The following CCDC158 variants were observed in gnomAD, a reference collection of about 807,000 sequenced individuals.
The protein encoded by CCDC158 is coiled-coil domain-containing protein 158.
Under a neutral mutation model 138.6 loss-of-function variants are expected in CCDC158, and 116 were observed. That is an observed-to-expected ratio of 0.84 (90% CI 0.72 to 0.98). The LOEUF (loss-of-function observed/expected upper bound fraction) is 0.98, where lower values mean the gene tolerates loss of function less well. Among genes scored for constraint, CCDC158 ranks in the 50% least tolerant of loss-of-function variants. The pLI is 0.00. For synonymous variants in CCDC158, 436 were observed against 442.4 expected (o/e 0.99, Z 0.18); for missense variants, 1,265 against 1,306.1 (o/e 0.97, Z 0.48).
chr4:76,396,289 A>C lies in CCDC158; in HGVS notation c.268T>G (p.Leu90Val), dbSNP rs367819204. Residue 90 changes from leucine to valine, a missense_variant, in exon 4 of 25, where the codon TTA becomes GTA. Physicochemically the swap from Leu to Val is conservative, Grantham distance 32 (BLOSUM62 1). Coordinates refer to ENST00000682701, the MANE Select transcript of CCDC158 (RefSeq NM_001394954.1). ...CTCACTTCATTTAGTCTTCTCTGTA[A>C]ATCTTTGACTTGATGTGAATATTCT... ...LEEYSHQVKD[L>V]QRRLNESNEL... 6.2e-7 allele frequency: 1 copy of C among 1,612,830 alleles called. No individual in the cohort carries two copies. Among genetic ancestry groups the C allele is most frequent in the African/African-American group, 1.3e-5 (1 of 74,868 alleles).
intron 14 of CCDC158, among the ~76,000 whole-genome samples, chr4:76,355,741 C>T (rs1024911309): frequency 2.0e-5 from 3 of 151,276 alleles, no homozygotes; most frequent in African/African-American, 7.3e-5. Context: ...ATAACAATAA[C>T]ATTGACTAAA....
At chr4:76,335,436 G>A (rs1721390689) in intron 18 of CCDC158, among the ~76,000 whole-genome samples, 1 of 152,044 alleles carries the variant, frequency 6.6e-6, no homozygotes, top group Non-Finnish European at 1.5e-5. Flanking sequence ...GGCAATTATT[G>A]TTAAAATTTT....
At position 76,367,770 on chromosome 4, in the gene CCDC158, C is replaced by T. The variant is rs752904443; in HGVS notation, c.1354G>A (p.Ala452Thr). 2.5e-6 allele frequency: 4 copies of T among 1,597,412 alleles called. No individual in the cohort carries two copies. The highest frequency in any genetic ancestry group is 2.7e-5 in the African/African-American group (2 of 74,422). The change falls in exon 12 of 25, where the codon GCA (alanine) becomes ACA (threonine). Residue 452 changes from alanine (A) to threonine (T), a missense_variant. By Grantham distance (58) the Ala-to-Thr change is moderately conservative. Coordinates refer to ENST00000682701, the MANE Select transcript of CCDC158 (RefSeq NM_001394954.1). Reference sequence around the variant, plus strand: ...AGACTTTCATTCTTTCCTTGAATTGCTGCCATCTGATTGTTAAAGAAAAGA... The same window carrying T: ...AGACTTTCATTCTTTCCTTGAATTGTTGCCATCTGATTGTTAAAGAAAAGA... ...CQGQMERQMA[A>T]IQGKNESLEK...
intron 24 of CCDC158, among the ~76,000 whole-genome samples, 200 bp downstream of exon 24, chr4:76,323,102 T>C (rs1007575756): frequency 3.3e-5 from 5 of 152,176 alleles, no homozygotes; most frequent in African/African-American, 1.2e-4. Flanking sequence ...TAAGAGAGTA[T>C]AGCAGGGCAA....
At chr4:76,338,245 C>T (rs1721722218) in intron 18 of CCDC158, among the ~76,000 whole-genome samples, 2 of 152,184 alleles carry the variant, frequency 1.3e-5, no homozygotes, top group South Asian at 4.1e-4. Flanking sequence ...GGTGCAGTGG[C>T]TCACGCCTGT....
chr4:76,414,811 A>G (rs1283494077), intron 1 of CCDC158, among the ~76,000 whole-genome samples: 1 of 152,226 alleles, frequency 6.6e-6, no homozygotes, highest in Non-Finnish European at 1.5e-5. Flanking sequence ...GCCGTGTGGA[A>G]CTGTAAGTCC....
At chr4:76,314,434 A>T (rs897503343) in intron 24 of CCDC158, among the ~76,000 whole-genome samples, 2 of 152,352 alleles carry the variant, frequency 1.3e-5, no homozygotes, top group Admixed American at 1.3e-4. Context: ...GGAGACTCAC[A>T]CTGTTGACTT....
At chr4:76,412,759 G>GA (rs1210488146) in intron 1 of CCDC158, among the ~76,000 whole-genome samples, 1 of 151,622 alleles carries the variant, frequency 6.6e-6, no homozygotes, top group Non-Finnish European at 1.5e-5. Flanking sequence ...TCAAAGAAAA[G>GA]AAAAAAATAG....
In CCDC158 at chr4:76,328,821, G is replaced by A. The variant is rs917654962; in HGVS notation, c.3010+79C>T. 2.4e-5 allele frequency: 26 copies of A among 1,087,506 alleles called. No homozygotes were observed. In the African/African-American group the frequency reaches 2.8e-4, roughly 12 times the overall value. 67.4% of individuals were successfully genotyped at this position (1,087,506 alleles called of 1,614,324 possible). A position where few individuals can be genotyped will look rare whatever the true frequency, so the allele number is the denominator to read the frequency against. On this transcript the variant is annotated intron_variant, in intron 22 of 24. Transcript: ENST00000682701. ...AGTTAAAAAGGACTTGGAAGATACT[G>A]CAATGACTTTGGCTTTTACCCTCGT...
rs182436054 is a variant in CCDC158, at chr4:76,384,664, C to T, written c.290G>A (p.Ser97Asn). 5.6e-6 allele frequency: 9 copies of T among 1,602,616 alleles called. No homozygotes were observed. Among genetic ancestry groups the T allele is most frequent in the East Asian group, 2.2e-5 (1 of 44,772 alleles). The change falls in exon 5 of 25, where the codon AGC becomes AAC. Residue 97 changes from serine to asparagine, a missense_variant and splice_region_variant. By Grantham distance (46) the Ser-to-Asn change is conservative (BLOSUM62 1). Coordinates refer to ENST00000682701, the MANE Select transcript of CCDC158 (RefSeq NM_001394954.1). ...CTTTTGTTTCTCATGCAATTCATTGCTCTGAAAAAAAAAGCCATGCAAATT... is the reference window on the plus strand; with the variant it reads ...CTTTTGTTTCTCATGCAATTCATTGTTCTGAAAAAAAAAGCCATGCAAATT... The part of the protein sequence containing the change: ...VKDLQRRLNE[S>N]NELHEKQKFY...
In CCDC158 at chr4:76,325,951, C is replaced by T. The variant is rs779419079; in HGVS notation, c.3075G>A (p.Val1025=). 2.4e-5 allele frequency: 39 copies of T among 1,613,266 alleles called. No homozygotes were observed. Among genetic ancestry groups the T allele is most frequent in the African/African-American group, 6.7e-5 (5 of 74,886 alleles). Residue 1025 remains valine, a synonymous_variant, in exon 23 of 25, where the codon GTG becomes GTA. Coordinates refer to ENST00000682701, the MANE Select transcript of CCDC158 (RefSeq NM_001394954.1). Reference sequence around the variant, plus strand: ...CAACTGAACTAGTTAGGAGTGAGTGCACTGGAGACTTCTTAGGAGAAGAAT... The same window carrying T: ...CAACTGAACTAGTTAGGAGTGAGTGTACTGGAGACTTCTTAGGAGAAGAAT... ...SFNSSPKKSP[V]HSLLTSSVEG... is the part of the protein sequence containing the mutation.
At chr4:76,324,759 G>A (rs1287720115) in intron 23 of CCDC158, among the ~76,000 whole-genome samples, 1 of 151,924 alleles carries the variant, frequency 6.6e-6, no homozygotes, top group South Asian at 2.1e-4. Flanking sequence ...TTCCTTGTAC[G>A]GCAGGTAGCA....
At chr4:76,379,776 ACAC>A (rs1246265096) in intron 8 of CCDC158, among the ~76,000 whole-genome samples, 1 of 141,388 alleles carries the variant, frequency 7.1e-6, no homozygotes, top group Non-Finnish European at 1.6e-5. Context: ...ACACACACAC[ACAC>A]ACGGTTTGGC....
intron 13 of CCDC158, among the ~76,000 whole-genome samples, chr4:76,358,475 TG>T (rs1342402340): frequency 4.6e-5 from 7 of 152,218 alleles, no homozygotes; most frequent in Admixed American, 4.6e-4. Flanking sequence ...ATATCTTTTG[TG>T]GGCTCCACAT....
intron 18 of CCDC158, among the ~76,000 whole-genome samples, chr4:76,338,152 C>T (rs1721712770): frequency 6.6e-6 from 1 of 152,150 alleles, no homozygotes; most frequent in Admixed American, 6.5e-5. Flanking sequence ...GAATCTAATG[C>T]CTGATGATCT....
chr4:76,351,889 G>T, intron 16 of CCDC158, 77 bp from the exon 17 acceptor site: 1 of 831,798 alleles, frequency 1.2e-6, no homozygotes, highest in Non-Finnish European at 2.0e-6. Context: ...TGAATGCAGA[G>T]CTGCCATCTC....
chr4:76,339,478 C>T (rs1721850183), intron 18 of CCDC158, among the ~76,000 whole-genome samples: 2 of 152,230 alleles, frequency 1.3e-5, no homozygotes. Flanking sequence ...TGGTACACAA[C>T]CCAAATTGAC....
chr4:76,349,423 C>G (rs112657136), intron 18 of CCDC158, among the ~76,000 whole-genome samples: 4,022 of 152,284 alleles, frequency 0.026, 174 homozygotes, highest in African/African-American at 0.092. Context: ...AATCTCAGCA[C>G]TTTGGGAGGC....
intron 3 of CCDC158, chr4:76,402,188 G>A (rs1459474913): frequency 6.6e-6 from 1 of 152,062 alleles, no homozygotes; most frequent in Non-Finnish European, 1.5e-5. Context: ...AGGAGAGAGG[G>A]GCAAGGAAGG....
Sources: allele counts gnomAD v4.1 joint callset (sites outside exome capture counted in the v4.1 genomes callset), GRCh38; gene constraint gnomAD v4.1.1; transcripts MANE v1.5; gene names NCBI Gene and HGNC (gene_info 2026-07-23, HGNC 2026-07-21).